Variants in NSMCE2 observed in about 807,000 individuals in gnomAD.
NSMCE2 encodes NSE2 SUMO ligase component of SMC5/6 complex, also known as E3 SUMO-protein ligase NSE2.
Under a neutral mutation model 23.8 loss-of-function variants are expected in NSMCE2, and 24 were observed. The observed-to-expected ratio is 1.01, with a 90% CI of 0.73 to 1.42. The LOEUF is 1.42. Among genes scored for constraint, NSMCE2 ranks in the 40% most tolerant of loss-of-function variants. NSMCE2 has a pLI of 0.00. For synonymous variants in NSMCE2, 92 were observed against 94.1 expected (o/e 0.98, Z 0.13); for missense variants, 284 against 296.5 (o/e 0.96, Z 0.31).
intron 5 of NSMCE2, among the ~76,000 whole-genome samples, chr8:125,232,255 C>T (rs753576490): frequency 5.9e-5 from 9 of 151,706 alleles, no homozygotes; most frequent in Non-Finnish European, 1.2e-4. Context: ...CGCAGCTACT[C>T]GGGAGGCTGA....
At chr8:125,198,856 A>C (rs544062552) in intron 5 of NSMCE2, among the ~76,000 whole-genome samples, 1 of 152,240 alleles carries the variant, frequency 6.6e-6, no homozygotes, top group South Asian at 2.1e-4. Context: ...TTACTGCCTC[A>C]ATTTCAGACC....
chr8:125,280,978 C>T (rs1450601984), intron 5 of NSMCE2, among the ~76,000 whole-genome samples: 1 of 152,246 alleles, frequency 6.6e-6, no homozygotes, highest in Non-Finnish European at 1.5e-5. Flanking sequence ...CACAGCTGCA[C>T]AGACCACAGA....
intron 5 of NSMCE2, chr8:125,270,911 A>G (rs1035885249): frequency 6.6e-6 from 1 of 152,368 alleles, no homozygotes; most frequent in African/African-American, 2.4e-5. Flanking sequence ...CTTAGAAAAA[A>G]GAAAAAAAAG....
At chr8:125,266,095 T>C (rs2131066914) in intron 5 of NSMCE2, among the ~76,000 whole-genome samples, 2 of 149,516 alleles carry the variant, frequency 1.3e-5, no homozygotes, top group East Asian at 3.9e-4. Context: ...ATTTTTTCTT[T>C]TTTTTTTTTT....
At position 125,154,896 on chromosome 8, in the gene NSMCE2, C is replaced by CT. The variant is rs542839955; in HGVS notation, c.264+3623dup. Among the ~76,000 whole-genome samples the CT allele has an allele frequency of 2.9e-3, 435 of 152,214 alleles. 3 individuals are homozygous for CT. The highest frequency in any genetic ancestry group is 4.9e-3 in the Non-Finnish European group (333 of 68,016). The stretch of plus-strand genomic sequence containing the variant: ...GATGTTTCCTCCCTTGCTTTCTACG[C>CT]TTTTATTAAGTACATTGAAGAGACA... On this transcript the variant is annotated intron_variant, in intron 4 of 7. Transcript: ENST00000287437.
At chr8:125,108,393 T>G (rs577722156) in intron 3 of NSMCE2, among the ~76,000 whole-genome samples, 2 of 152,204 alleles carry the variant, frequency 1.3e-5, no homozygotes. Context: ...TAACAGTAGA[T>G]GAAAGACTTG....
At chr8:125,332,537 A>G (rs1418617484) in intron 5 of NSMCE2, among the ~76,000 whole-genome samples, 1 of 152,266 alleles carries the variant, frequency 6.6e-6, no homozygotes, top group Non-Finnish European at 1.5e-5. Flanking sequence ...GTAAGCTTTC[A>G]GTAAATAATA....
chr8:125,311,458 A>G (rs1426840758), intron 5 of NSMCE2, among the ~76,000 whole-genome samples: 1 of 152,252 alleles, frequency 6.6e-6, no homozygotes, highest in East Asian at 1.9e-4. Flanking sequence ...CATTTGCTCT[A>G]ACACAGTTTA....
At chr8:125,349,893 A>G (rs997858697) in intron 5 of NSMCE2, among the ~76,000 whole-genome samples, 1 of 152,194 alleles carries the variant, frequency 6.6e-6, no homozygotes, top group Non-Finnish European at 1.5e-5. Flanking sequence ...CCCGAGCGAG[A>G]GTGAAGTCCT....
At chr8:125,156,476 C>T (rs1821317570) in intron 4 of NSMCE2, among the ~76,000 whole-genome samples, 1 of 151,948 alleles carries the variant, frequency 6.6e-6, no homozygotes, top group African/African-American at 2.4e-5. Flanking sequence ...TTTTTTAAGT[C>T]AATATCTTAT....
In NSMCE2 at chr8:125,102,706, G is replaced by A. The variant is rs189087751; in HGVS notation, c.157+219G>A. ...ACAGTTAAGTTCCATGAGAAACTGC[G>A]CTAGAAATGTATGGGCAAAGATTTG... On this transcript the variant is annotated intron_variant, in intron 3 of 7. Coordinates refer to ENST00000287437, the MANE Select transcript of NSMCE2 (RefSeq NM_173685.4). 8.6e-4 allele frequency among the ~76,000 whole-genome samples: 131 copies of A among 152,234 alleles called. 2 individuals carry two copies. The highest frequency in any genetic ancestry group is 1.1e-3 in the Non-Finnish European group (77 of 68,014).
intron 5 of NSMCE2, among the ~76,000 whole-genome samples, chr8:125,304,909 AG>A (rs1828696033): frequency 6.6e-6 from 1 of 150,716 alleles, no homozygotes; most frequent in African/African-American, 2.4e-5. Flanking sequence ...AGAGAAAGAA[AG>A]GAAAGAGAGA....
At chr8:125,275,544 G>A (rs1827416874) in intron 5 of NSMCE2, among the ~76,000 whole-genome samples, 1 of 152,022 alleles carries the variant, frequency 6.6e-6, no homozygotes, top group Admixed American at 6.6e-5. Context: ...CTACTCATTT[G>A]TATTTCCTCG....
intron 3 of NSMCE2, among the ~76,000 whole-genome samples, chr8:125,126,516 AC>A (rs1300296338): frequency 6.6e-6 from 1 of 152,118 alleles, no homozygotes; most frequent in Non-Finnish European, 1.5e-5. Flanking sequence ...CAAGAATTTT[AC>A]CACCACGTAT....
chr8:125,241,287 C>T (rs1174164049), intron 5 of NSMCE2, among the ~76,000 whole-genome samples: 1 of 152,132 alleles, frequency 6.6e-6, no homozygotes, highest in Non-Finnish European at 1.5e-5. Flanking sequence ...ATGTGCAGGG[C>T]ACTGAAATAG....
intron 4 of NSMCE2, among the ~76,000 whole-genome samples, chr8:125,153,084 A>T (rs897585778): frequency 4.7e-5 from 7 of 149,668 alleles, no homozygotes; most frequent in African/African-American, 1.5e-4. Flanking sequence ...AAAAAAAAGA[A>T]TTGAACTTTT....
At chr8:125,111,715 G>C (rs1368239716) in intron 3 of NSMCE2, among the ~76,000 whole-genome samples, 1 of 152,150 alleles carries the variant, frequency 6.6e-6, no homozygotes. Context: ...CACAAGAATT[G>C]CTTGAACCCA....
At chr8:125,228,501 G>A (rs1036184772) in intron 5 of NSMCE2, among the ~76,000 whole-genome samples, 27 of 152,210 alleles carry the variant, frequency 1.8e-4, no homozygotes, top group African/African-American at 5.8e-4. Flanking sequence ...ATTTTGACCA[G>A]CAGAATCAAG....
At chr8:125,204,488 C>T (rs1415506190) in intron 5 of NSMCE2, among the ~76,000 whole-genome samples, 1 of 152,180 alleles carries the variant, frequency 6.6e-6, no homozygotes, top group African/African-American at 2.4e-5. Flanking sequence ...CAATCATCAG[C>T]CTTAACAACC....
Sources: gnomAD v4.1 joint callset for allele counts (sites outside exome capture counted in the v4.1 genomes callset) on GRCh38, gnomAD v4.1.1 for gene constraint, MANE v1.5 for transcripts, NCBI Gene and HGNC (gene_info 2026-07-23, HGNC 2026-07-21) for gene names.